Variants in PRKCI observed in about 807,000 individuals in gnomAD.
The protein encoded by PRKCI is protein kinase C iota.
In PRKCI, 43 loss-of-function variants were observed where a neutral mutation model predicts 84.0. The observed-to-expected ratio is 0.51, with a 90% CI of 0.40 to 0.66. The LOEUF (loss-of-function observed/expected upper bound fraction) is 0.66. Ranked by LOEUF, PRKCI falls within the 30% of genes least tolerant of loss-of-function variation. The probability of loss-of-function intolerance (pLI) is 0.00; values close to 1 mark genes in which losing one functional copy is unlikely to be tolerated. For missense variants in PRKCI, 459 were observed against 745.6 expected, an observed-to-expected ratio of 0.62 and a Z score of 4.48; for synonymous variants, 216 against 234.4, an observed-to-expected ratio of 0.92 and a Z score of 0.72.
chr3:170,235,368 G>A lies in PRKCI; in HGVS notation c.223+17G>A, dbSNP rs1211848479. The A allele has an allele frequency of 5.6e-6, 9 of 1,612,338 alleles. No individual in the cohort carries two copies. Among genetic ancestry groups the A allele is most frequent in the African/African-American group, 1.3e-5 (1 of 74,864 alleles). ...ATGAGGAAGGTGAGTGGTAAAGACAGGGCTGCCTGTGTAAGCATTTTAAGA... is the reference window on the plus strand; with the variant it reads ...ATGAGGAAGGTGAGTGGTAAAGACAAGGCTGCCTGTGTAAGCATTTTAAGA... On this transcript the variant is annotated intron_variant, in intron 2 of 17. Transcript: ENST00000295797.
Position 170,222,438 on chromosome 3 carries a change from CT to C in PRKCI, c.-230del. ...TGGGAGGGACCGACGCAGGAGGTGT[CT>C]TGGGCCCGGGCGGCTGTAGAGGCGG... On this transcript the variant is annotated 5_prime_UTR_variant, in exon 1 of 18. Coordinates refer to ENST00000295797, the MANE Select transcript of PRKCI (RefSeq NM_002740.6). The C allele has an allele frequency of 2.2e-6, 1 of 448,810 alleles. No individual in the cohort carries two copies. 27.8% of individuals were successfully genotyped at this position (448,810 alleles called of 1,614,324 possible).
At chr3:170,266,159 T>G (rs1011521781) in intron 4 of PRKCI, among the ~76,000 whole-genome samples, 7 of 152,150 alleles carry the variant, frequency 4.6e-5, no homozygotes, top group Non-Finnish European at 1.0e-4. Context: ...CTTAAAAATA[T>G]GAAGGTGGAC....
intron 8 of PRKCI, 96 bp from the exon 9 acceptor site, chr3:170,280,131 A>G (rs1235491766): frequency 9.2e-7 from 1 of 1,081,944 alleles, no homozygotes; most frequent in Non-Finnish European, 1.3e-6. Context: ...TTAGGAAAAT[A>G]TCTTTAAATC....
At chr3:170,245,579 C>G (rs1192792869) in intron 2 of PRKCI, among the ~76,000 whole-genome samples, 1 of 152,102 alleles carries the variant, frequency 6.6e-6, no homozygotes, top group Non-Finnish European at 1.5e-5. Flanking sequence ...GGCATCCCGT[C>G]TCCAGTTGCC....
In PRKCI at chr3:170,281,189, G is replaced by A; in HGVS notation, c.906G>A (p.Glu302=). ...DDEDIDWVQT[E]KHVFEQASNH... is the part of the protein sequence containing the mutation. ...AGGATATTGATTGGGTACAGACAGA[G>A]AAGCATGTGTTTGAGCAGGCATCCA... Residue 302 remains glutamate, a synonymous_variant, in exon 10 of 18, where the codon GAG becomes GAA. Coordinates refer to ENST00000295797, the MANE Select transcript of PRKCI (RefSeq NM_002740.6). 6.2e-7 allele frequency: 1 copy of A among 1,613,504 alleles called. No individual in the cohort carries two copies. Among genetic ancestry groups the A allele is most frequent in the Non-Finnish European group, 8.5e-7 (1 of 1,179,926 alleles).
chr3:170,234,654 T>G (rs936699041), intron 1 of PRKCI, among the ~76,000 whole-genome samples: 2 of 152,188 alleles, frequency 1.3e-5, no homozygotes, highest in African/African-American at 2.4e-5. Flanking sequence ...CTAGTAACCT[T>G]GAGGGTTCTT....
At chr3:170,297,141 TAACTC>T (rs1190646244) in intron 15 of PRKCI, among the ~76,000 whole-genome samples, 158 bp from the exon 16 acceptor site, 2 of 152,206 alleles carry the variant, frequency 1.3e-5, no homozygotes, top group African/African-American at 4.8e-5. Flanking sequence ...AAGTTTCAAA[TAACTC>T]AATTTGTTCT....
chr3:170,302,297 A>T (rs1262726542), intron 17 of PRKCI, among the ~76,000 whole-genome samples: 1 of 152,094 alleles, frequency 6.6e-6, no homozygotes, highest in African/African-American at 2.4e-5. Flanking sequence ...GCCTTCCTTG[A>T]TTTCTCCAAC....
At chr3:170,251,745 A>T (rs1301491337) in intron 2 of PRKCI, among the ~76,000 whole-genome samples, 1 of 152,048 alleles carries the variant, frequency 6.6e-6, no homozygotes, top group African/African-American at 2.4e-5. Flanking sequence ...CCCTGTCTCT[A>T]CTAAAAATAC....
At position 170,253,077 on chromosome 3, in the gene PRKCI, A is replaced by G. The variant is rs1322800045; in HGVS notation, c.224-6892A>G. Among the ~76,000 whole-genome samples the G allele has an allele frequency of 2.0e-5, 3 of 152,196 alleles. No individual in the cohort carries two copies. The East Asian group carries it at 5.8e-4, about 29-fold the overall frequency. On this transcript the variant is annotated intron_variant, in intron 2 of 17. Coordinates refer to ENST00000295797, the MANE Select transcript of PRKCI (RefSeq NM_002740.6). ...TCATTCTTTTTTGTGGCTGAATAGT[A>G]CTCCCATTGTATTGCTAGACACTTA... is the stretch of plus-strand genomic sequence containing the variant.
In PRKCI at chr3:170,263,416, T is replaced by C. The variant is rs1359012407; in HGVS notation, c.351T>C (p.Cys117=). 6.3e-7 allele frequency: 1 copy of C among 1,598,654 alleles called. No individual in the cohort carries two copies. Among genetic ancestry groups the C allele is most frequent in the South Asian group, 1.1e-5 (1 of 90,686 alleles). Residue 117 remains cysteine (C), a synonymous_variant, in exon 4 of 18, where the codon TGT becomes TGC. Coordinates refer to ENST00000295797, the MANE Select transcript of PRKCI (RefSeq NM_002740.6). ...PCVPERPGMP[C]PGEDKSIYRR... ...TACCAGAACGTCCTGGGATGCCTTG[T>C]CCAGGAGAAGATAGTGAGTGTTTAT...
At chr3:170,232,326 T>C (rs751451919) in intron 1 of PRKCI, among the ~76,000 whole-genome samples, 1 of 152,162 alleles carries the variant, frequency 6.6e-6, no homozygotes, top group Non-Finnish European at 1.5e-5. Flanking sequence ...GCTGGGATTA[T>C]GGCATGAGCC....
chr3:170,295,990 G>T lies in PRKCI; in HGVS notation c.1497G>T (p.Lys499Asn). The T allele has an allele frequency of 6.7e-7, 1 of 1,490,668 alleles. No homozygotes were observed. The allele number at this position is 1,490,668 out of a possible 1,614,324, so 92.3% of individuals were successfully genotyped here. ...GTGTTCTGAAGAGTTTTCTTAATAAGGTATAAATTGTGTATAAGAATATTT... is the reference window on the plus strand; with the variant it reads ...GTGTTCTGAAGAGTTTTCTTAATAATGTATAAATTGTGTATAAGAATATTT... ...AASVLKSFLN[K>N]DPKERLGCHP... Residue 499 changes from lysine to asparagine, a missense_variant and splice_region_variant, in exon 15 of 18, where the codon AAG (lysine) becomes AAT (asparagine). Lys to Asn is a moderately conservative substitution (Grantham distance 94). Transcript: ENST00000295797.
At chr3:170,300,261 G>A (rs969571800) in intron 17 of PRKCI, among the ~76,000 whole-genome samples, 4 of 152,068 alleles carry the variant, frequency 2.6e-5, no homozygotes, top group South Asian at 2.1e-4. Context: ...CCTCTCTGAC[G>A]TGACCTTGCC....
chr3:170,276,553 T>G (rs1734120846), intron 8 of PRKCI, among the ~76,000 whole-genome samples: 2 of 151,610 alleles, frequency 1.3e-5, no homozygotes. Flanking sequence ...ACTTCTTGAG[T>G]TCAAGCCACC....
intron 10 of PRKCI, 158 bp from the exon 11 acceptor site, chr3:170,281,724 T>C: frequency 2.2e-6 from 2 of 918,222 alleles, no homozygotes; most frequent in East Asian, 2.9e-5. Context: ...TTCTCGTATG[T>C]TCCGTACCCT....
chr3:170,258,898 T>G (rs1733653720), intron 2 of PRKCI, among the ~76,000 whole-genome samples: 1 of 152,224 alleles, frequency 6.6e-6, no homozygotes. Flanking sequence ...GCAATGGAAC[T>G]ACTTTCACTT....
At chr3:170,225,235 A>G (rs1732598080) in intron 1 of PRKCI, among the ~76,000 whole-genome samples, 1 of 152,214 alleles carries the variant, frequency 6.6e-6, no homozygotes, top group South Asian at 2.1e-4. Context: ...TTCAAGCCTC[A>G]TTTAAAGACA....
intron 2 of PRKCI, among the ~76,000 whole-genome samples, chr3:170,251,493 A>ATT (rs748604427): frequency 6.6e-6 from 1 of 152,248 alleles, no homozygotes; most frequent in Non-Finnish European, 1.5e-5. Flanking sequence ...AATGAGGTAT[A>ATT]AATAGTCAAT....
Sources: gnomAD v4.1 joint callset for allele counts (sites outside exome capture counted in the v4.1 genomes callset) on GRCh38, gnomAD v4.1.1 for gene constraint, MANE v1.5 for transcripts, NCBI Gene and HGNC (gene_info 2026-07-23, HGNC 2026-07-21) for gene names.